The following CLEC11A variants were observed in gnomAD, a reference collection of about 807,000 sequenced individuals.
The protein encoded by CLEC11A is C-type lectin domain containing 11A.
Under a neutral mutation model 33.9 loss-of-function variants are expected in CLEC11A, and 35 were observed. That is an observed-to-expected ratio of 1.03 (90% confidence interval 0.79 to 1.37). The LOEUF is 1.37. Among genes scored for constraint, CLEC11A ranks in the 40% most tolerant of loss-of-function variants. The probability of loss-of-function intolerance (pLI) is 0.00; values close to 1 mark genes in which losing one functional copy is unlikely to be tolerated. For missense variants in CLEC11A, 519 were observed against 455.5 expected (o/e 1.14, Z -1.27); for synonymous variants, 220 against 202.2 (o/e 1.09, Z -0.75).
In CLEC11A at chr19:50,724,532, A is replaced by C. The variant is rs771589211; in HGVS notation, c.457A>C (p.Thr153Pro). 26 of 1,540,374 alleles carry C rather than the reference A, an allele frequency of 1.7e-5. No homozygotes were observed. The highest frequency in any genetic ancestry group is 3.8e-5 in the Admixed American group (2 of 52,574). Residue 153 changes from threonine (T) to proline (P), a missense_variant, in exon 3 of 4, where the codon ACC becomes CCC. Coordinates refer to ENST00000250340, the MANE Select transcript of CLEC11A (RefSeq NM_002975.3). The surrounding 1 kb of genome is among the most constrained non-coding windows in gnomAD (Gnocchi z 4.1). ...GCAGCTGCGGAACGCGGCAGGCGACACCCGCGATGCCGTGCAAGCCCTGCA... is the reference window on the plus strand; with the variant it reads ...GCAGCTGCGGAACGCGGCAGGCGACCCCCGCGATGCCGTGCAAGCCCTGCA... ...LRQLRNAAGD[T>P]RDAVQALQEA...
Position 50,725,346 on chromosome 19 carries a change from G to A in CLEC11A, c.851G>A (p.Ser284Asn). The change falls in exon 4 of 4, where the codon AGC becomes AAC. Residue 284 changes from serine to asparagine, a missense_variant. Physicochemically the swap from Ser to Asn is conservative, Grantham distance 46. Coordinates refer to ENST00000250340, the MANE Select transcript of CLEC11A (RefSeq NM_002975.3). Reference protein sequence around the residue: ...AQPSASPHPLSPDQPNGGTLE... With the variant: ...AQPSASPHPLNPDQPNGGTLE... ...CCCAGCGCCTCGCCGCATCCGCTCA[G>A]CCCGGACCAGCCCAACGGTGGCACG... 6.2e-7 allele frequency: 1 copy of A among 1,612,170 alleles called. No homozygotes were observed. Among genetic ancestry groups the A allele is most frequent in the African/African-American group, 1.3e-5 (1 of 75,040 alleles).
In CLEC11A at chr19:50,723,668, T is replaced by A. The variant is rs1277128925; in HGVS notation, c.143T>A (p.Leu48Gln). Residue 48 changes from leucine to glutamine, a missense_variant, in exon 1 of 4, where the codon CTG (leucine) becomes CAG (glutamine). Coordinates refer to ENST00000250340, the MANE Select transcript of CLEC11A (RefSeq NM_002975.3). The surrounding 1 kb of genome is among the most constrained non-coding windows in gnomAD (Gnocchi z 4.1). ...GAGCGGGAGAGGGAGGCCCTGATGCTGAAGGTGAGCTCTGGAGTGTCAGGG... is the reference window on the plus strand; with the variant it reads ...GAGCGGGAGAGGGAGGCCCTGATGCAGAAGGTGAGCTCTGGAGTGTCAGGG... ...EEEREREALMLKHLQEALGLP... is the reference protein window; with the variant it reads ...EEEREREALMQKHLQEALGLP... The A allele has an allele frequency of 6.3e-7, 1 of 1,582,620 alleles. No homozygotes were observed.
At position 50,725,165 on chromosome 19, in the gene CLEC11A, ACTCGGTACCTGCGCGCGGCGCTCG is replaced by A. The variant is rs758469284; in HGVS notation, c.674_697del (p.Arg225_Ala232del). 6.4e-7 allele frequency: 1 copy of A among 1,572,048 alleles called. No individual in the cohort carries two copies. The highest frequency in any genetic ancestry group is 8.6e-7 in the Non-Finnish European group (1 of 1,160,686). On this transcript the variant is annotated inframe_deletion, in exon 4 of 4. Coordinates refer to ENST00000250340, the MANE Select transcript of CLEC11A (RefSeq NM_002975.3). ...AGACCGCCAGCAGATGGAGGCGCTCACTCGGTACCTGCGCGCGGCGCTCGCTCCCTACAACTGGCCCGTGTGGCT... is the reference window on the plus strand; with the variant it reads ...AGACCGCCAGCAGATGGAGGCGCTCACTCCCTACAACTGGCCCGTGTGGCT...
Position 50,723,940 on chromosome 19 carries a change from G to C in CLEC11A, c.183G>C (p.Arg61Ser), listed in dbSNP as rs779785903. 9.9e-6 allele frequency: 16 copies of C among 1,613,364 alleles called. No individual in the cohort carries two copies. Among genetic ancestry groups the C allele is most frequent in the Middle Eastern group, 1.7e-4 (1 of 5,986 alleles). ...LQEALGLPAG[R>S]GDENPAGTVE... Reference sequence around the variant, plus strand: ...AAGCCCTAGGACTGCCTGCTGGGAGGGGGGATGAGAATCCTGCCGGAACTG... The same window carrying C: ...AAGCCCTAGGACTGCCTGCTGGGAGCGGGGATGAGAATCCTGCCGGAACTG... Residue 61 changes from arginine to serine, a missense_variant, in exon 2 of 4, where the codon AGG becomes AGC. By Grantham distance (110) the Arg-to-Ser change is moderately radical. Coordinates refer to ENST00000250340, the MANE Select transcript of CLEC11A (RefSeq NM_002975.3). The surrounding 1 kb of genome is among the most constrained non-coding windows in gnomAD (Gnocchi z 4.1).
In CLEC11A at chr19:50,724,050, C is replaced by G. The variant is rs2089163849; in HGVS notation, c.293C>G (p.Pro98Arg). Reference protein sequence around the residue: ...EEATPTPSSGPSPSPTPEDIV... With the variant: ...EEATPTPSSGRSPSPTPEDIV... The stretch of plus-strand genomic sequence containing the variant: ...GCAACGCCAACCCCATCCTCCGGCC[C>G]CAGCCCCTCTCCCACCCCTGAGGAC... Residue 98 changes from proline (P) to arginine (R), a missense_variant, in exon 2 of 4, where the codon CCC (proline) becomes CGC (arginine). Coordinates refer to ENST00000250340, the MANE Select transcript of CLEC11A (RefSeq NM_002975.3). This position sits in a 1 kb window ranked among gnomAD's most constrained non-coding sequence, Gnocchi z 4.1. 1 of 1,613,090 alleles carries G rather than the reference C, an allele frequency of 6.2e-7. No individual in the cohort carries two copies. The highest frequency in any genetic ancestry group is 1.7e-5 in the Admixed American group (1 of 59,968).
In CLEC11A at chr19:50,723,915, A is replaced by G; in HGVS notation, c.158A>G (p.Glu53Gly). ...CCTCCCCTGCCCCAGCATCTGCAGG[A>G]AGCCCTAGGACTGCCTGCTGGGAGG... is the stretch of plus-strand genomic sequence containing the variant. ...REALMLKHLQEALGLPAGRGD... is the reference protein window; with the variant it reads ...REALMLKHLQGALGLPAGRGD... Residue 53 changes from glutamate (E) to glycine (G), a missense_variant, in exon 2 of 4, where the codon GAA becomes GGA. By Grantham distance (98) the Glu-to-Gly change is moderately conservative. Transcript: ENST00000250340. The surrounding 1 kb of genome is among the most constrained non-coding windows in gnomAD (Gnocchi z 4.1). 6 of 1,607,316 alleles carry G rather than the reference A, an allele frequency of 3.7e-6. No homozygotes were observed. Among genetic ancestry groups the G allele is most frequent in the Non-Finnish European group, 5.1e-6 (6 of 1,176,762 alleles).
At position 50,725,144 on chromosome 19, in the gene CLEC11A, C is replaced by G. The variant is rs746583975; in HGVS notation, c.649C>G (p.Arg217Gly). Residue 217 changes from arginine to glycine, a missense_variant, in exon 4 of 4, where the codon CGC becomes GGC. Arg to Gly is a moderately radical substitution (Grantham distance 125, BLOSUM62 -2). Coordinates refer to ENST00000250340, the MANE Select transcript of CLEC11A (RefSeq NM_002975.3). Reference protein sequence around the residue: ...RGGSLAQPADRQQMEALTRYL... With the variant: ...RGGSLAQPADGQQMEALTRYL... ...CGGGAGCCTGGCGCAGCCGGCAGAC[C>G]GCCAGCAGATGGAGGCGCTCACTCG... 3 of 1,555,162 alleles carry G rather than the reference C, an allele frequency of 1.9e-6. No individual in the cohort carries two copies. Among genetic ancestry groups the G allele is most frequent in the African/African-American group, 2.7e-5 (2 of 73,068 alleles).
chr19:50,723,521 G>A lies in CLEC11A; in HGVS notation c.-5G>A, dbSNP rs2089158084. On this transcript the variant is annotated 5_prime_UTR_variant, in exon 1 of 4. Coordinates refer to ENST00000250340, the MANE Select transcript of CLEC11A (RefSeq NM_002975.3). This position sits in a 1 kb window ranked among gnomAD's most constrained non-coding sequence, Gnocchi z 4.1. ...TGGAACTTTGGGTGCCAAGAGTCCA[G>A]CTTAATGCAGGCAGCCTGGCTTTTG... is the stretch of plus-strand genomic sequence containing the variant. The A allele has an allele frequency of 6.2e-7, 1 of 1,612,204 alleles. No individual in the cohort carries two copies.
In CLEC11A at chr19:50,724,295, G is replaced by GCCCCCCCCCCCCCCCCCCC; in HGVS notation, c.335-107_335-106insCCCCCCCCCCCCCCCCCCC. 8.8e-7 allele frequency: 1 copy of GCCCCCCCCCCCCCCCCCCC among 1,130,926 alleles called. No homozygotes were observed. The highest frequency in any genetic ancestry group is 1.2e-6 in the Non-Finnish European group (1 of 830,044). 70.1% of individuals were successfully genotyped at this position (1,130,926 alleles called of 1,614,324 possible). A position where few individuals can be genotyped will look rare whatever the true frequency, so the allele number is the denominator to read the frequency against. On this transcript the variant is annotated intron_variant, in intron 2 of 3. Coordinates refer to ENST00000250340, the MANE Select transcript of CLEC11A (RefSeq NM_002975.3). This position sits in a 1 kb window ranked among gnomAD's most constrained non-coding sequence, Gnocchi z 4.1. ...ACCCTACCTTCCAGGAGTCCGGGGT[G>GCCCCCCCCCCCCCCCCCCC]CCCCCCCCACCGCCACCCCGCCCTC...
rs1203190528 is a variant in CLEC11A, at chr19:50,724,141, CT to C, written c.334+53del. 3 of 1,600,960 alleles carry C rather than the reference CT, an allele frequency of 1.9e-6. No homozygotes were observed. Among genetic ancestry groups the C allele is most frequent in the Middle Eastern group, 1.7e-4 (1 of 5,990 alleles). ...CCAAACTCCTAGGCCGCCGCGGTCA[CT>C]TTCGCAAAAATGAAGGGTCGGTTCA... On this transcript the variant is annotated intron_variant, in intron 2 of 3. Coordinates refer to ENST00000250340, the MANE Select transcript of CLEC11A (RefSeq NM_002975.3). The surrounding 1 kb of genome is among the most constrained non-coding windows in gnomAD (Gnocchi z 4.1).
In CLEC11A at chr19:50,725,626, G is replaced by A. The variant is rs2089181731; in HGVS notation, c.*159G>A. On this transcript the variant is annotated 3_prime_UTR_variant, in exon 4 of 4. Transcript: ENST00000250340. Reference sequence around the variant, plus strand: ...CTTCTGGGAGGGCTCTTGCGGTGCCGGCACTCCTCCTTGTTAGTGTCTTTC... The same window carrying A: ...CTTCTGGGAGGGCTCTTGCGGTGCCAGCACTCCTCCTTGTTAGTGTCTTTC... 5 of 1,290,014 alleles carry A rather than the reference G, an allele frequency of 3.9e-6. No homozygotes were observed. The highest frequency in any genetic ancestry group is 5.2e-6 in the Non-Finnish European group (5 of 963,526). 79.9% of individuals were successfully genotyped at this position (1,290,014 alleles called of 1,614,324 possible). A position where few individuals can be genotyped will look rare whatever the true frequency, so the allele number is the denominator to read the frequency against.
Position 50,724,704 on chromosome 19 carries a change from G to A in CLEC11A, c.526+103G>A, listed in dbSNP as rs975684849. ...AGGTGTCCGGGGCGGGAGAGTTCGG[G>A]AGAGCTGCTGTGTGCTAGCGGACGG... On this transcript the variant is annotated intron_variant, in intron 3 of 3. Transcript: ENST00000250340. The surrounding 1 kb of genome is among the most constrained non-coding windows in gnomAD (Gnocchi z 4.1). 1.1e-5 allele frequency: 14 copies of A among 1,246,372 alleles called. No homozygotes were observed. In the African/African-American group the frequency reaches 1.8e-4, roughly 16 times the overall value. 77.2% of individuals were successfully genotyped at this position (1,246,372 alleles called of 1,614,324 possible).
In CLEC11A at chr19:50,723,626, G is replaced by A. The variant is rs1682430830; in HGVS notation, c.101G>A (p.Gly34Glu). ...GAGAGGGAGTGGGAGGGAGGCTGGGGAGGTGCCCAGGAGGAGGAGCGGGAG... is the reference window on the plus strand; with the variant it reads ...GAGAGGGAGTGGGAGGGAGGCTGGGAAGGTGCCCAGGAGGAGGAGCGGGAG... ...GAEREWEGGW[G>E]GAQEEERERE... is the part of the protein sequence containing the mutation. The change falls in exon 1 of 4, where the codon GGA becomes GAA. Residue 34 changes from glycine to glutamate, a missense_variant. By Grantham distance (98) the Gly-to-Glu change is moderately conservative. Coordinates refer to ENST00000250340, the MANE Select transcript of CLEC11A (RefSeq NM_002975.3). The surrounding 1 kb of genome is among the most constrained non-coding windows in gnomAD (Gnocchi z 4.1). 1 of 1,607,212 alleles carries A rather than the reference G, an allele frequency of 6.2e-7. No homozygotes were observed. Among genetic ancestry groups the A allele is most frequent in the Non-Finnish European group, 8.5e-7 (1 of 1,177,604 alleles).
At position 50,723,583 on chromosome 19, in the gene CLEC11A, C is replaced by T. The variant is rs1195027308; in HGVS notation, c.58C>T (p.His20Tyr). The T allele has an allele frequency of 1.2e-6, 2 of 1,612,210 alleles. No individual in the cohort carries two copies. The highest frequency in any genetic ancestry group is 2.2e-5 in the East Asian group (1 of 44,872). The change falls in exon 1 of 4, where the codon CAT (histidine) becomes TAT (tyrosine). Residue 20 changes from histidine (H) to tyrosine (Y), a missense_variant. By Grantham distance (83) the His-to-Tyr change is moderately conservative. Transcript: ENST00000250340. This position sits in a 1 kb window ranked among gnomAD's most constrained non-coding sequence, Gnocchi z 4.1. ...LVVPQLLGFGHGARGAEREWE... is the reference protein window; with the variant it reads ...LVVPQLLGFGYGARGAEREWE... ...GGTCCCCCAGCTCTTGGGCTTTGGCCATGGGGCTCGGGGAGCAGAGAGGGA... is the reference window on the plus strand; with the variant it reads ...GGTCCCCCAGCTCTTGGGCTTTGGCTATGGGGCTCGGGGAGCAGAGAGGGA...
rs775686052 is a variant in CLEC11A, at chr19:50,723,969, A to C, written c.212A>C (p.Glu71Ala). Reference protein sequence around the residue: ...RGDENPAGTVEGKEDWEMEED... With the variant: ...RGDENPAGTVAGKEDWEMEED... ...GATGAGAATCCTGCCGGAACTGTTG[A>C]GGGAAAAGAGGACTGGGAGATGGAG... Residue 71 changes from glutamate to alanine, a missense_variant, in exon 2 of 4, where the codon GAG becomes GCG. Glu to Ala is a moderately radical substitution (Grantham distance 107). Coordinates refer to ENST00000250340, the MANE Select transcript of CLEC11A (RefSeq NM_002975.3). This position sits in a 1 kb window ranked among gnomAD's most constrained non-coding sequence, Gnocchi z 4.1. 1.7e-5 allele frequency: 27 copies of C among 1,613,602 alleles called. 1 individual carries two copies. The South Asian group carries it at 2.9e-4, about 17-fold the overall frequency.
In CLEC11A at chr19:50,724,116, C is replaced by G. The variant is rs754158536; in HGVS notation, c.334+25C>G. The G allele has an allele frequency of 1.2e-6, 2 of 1,609,050 alleles. No homozygotes were observed. The highest frequency in any genetic ancestry group is 2.2e-5 in the East Asian group (1 of 44,854). On this transcript the variant is annotated intron_variant, in intron 2 of 3. Transcript: ENST00000250340. This position sits in a 1 kb window ranked among gnomAD's most constrained non-coding sequence, Gnocchi z 4.1. ...CGTGAGTAACCAGAAGCCCTCACCC[C>G]CAAACTCCTAGGCCGCCGCGGTCAC...
rs73582909 is a variant in CLEC11A, at chr19:50,724,728, G to A, written c.526+127G>A. 16 of 1,200,524 alleles carry A rather than the reference G, an allele frequency of 1.3e-5. No individual in the cohort carries two copies. The highest frequency in any genetic ancestry group is 1.8e-5 in the Non-Finnish European group (16 of 912,430). The allele number at this position is 1,200,524 out of a possible 1,614,324, so 74.4% of individuals were successfully genotyped here. A position where few individuals can be genotyped will look rare whatever the true frequency, so the allele number is the denominator to read the frequency against. ...GGAGAGCTGCTGTGTGCTAGCGGAC[G>A]GGGTTAGAGAGCTGGGAGGCTGAAT... On this transcript the variant is annotated intron_variant, in intron 3 of 3. Transcript: ENST00000250340. The surrounding 1 kb of genome is among the most constrained non-coding windows in gnomAD (Gnocchi z 4.1).
rs1360829116 is a variant in CLEC11A, at chr19:50,725,209, G to A, written c.714G>A (p.Val238=). Residue 238 remains valine, a synonymous_variant, in exon 4 of 4, where the codon GTG becomes GTA. Coordinates refer to ENST00000250340, the MANE Select transcript of CLEC11A (RefSeq NM_002975.3). ...CGCTCGCTCCCTACAACTGGCCCGTGTGGCTGGGCGTGCACGATCGGCGCG... is the reference window on the plus strand; with the variant it reads ...CGCTCGCTCCCTACAACTGGCCCGTATGGCTGGGCGTGCACGATCGGCGCG... ...RAALAPYNWP[V]WLGVHDRRAE... is the part of the protein sequence containing the mutation. 6.3e-7 allele frequency: 1 copy of A among 1,593,538 alleles called. No homozygotes were observed. Among genetic ancestry groups the A allele is most frequent in the Non-Finnish European group, 8.5e-7 (1 of 1,171,374 alleles).
At position 50,723,840 on chromosome 19, in the gene CLEC11A, T is replaced by C; in HGVS notation, c.148-65T>C. On this transcript the variant is annotated intron_variant, in intron 1 of 3. Coordinates refer to ENST00000250340, the MANE Select transcript of CLEC11A (RefSeq NM_002975.3). This position sits in a 1 kb window ranked among gnomAD's most constrained non-coding sequence, Gnocchi z 4.1. ...CAGGCAGCAGAGAATGAGTTATGAGTTGGAAAGGGGTGAATGGGGCATCTT... is the reference window on the plus strand; with the variant it reads ...CAGGCAGCAGAGAATGAGTTATGAGCTGGAAAGGGGTGAATGGGGCATCTT... The C allele has an allele frequency of 1.3e-6, 2 of 1,558,240 alleles. No homozygotes were observed. Among genetic ancestry groups the C allele is most frequent in the Non-Finnish European group, 1.7e-6 (2 of 1,154,190 alleles).
Sources: gnomAD v4.1 joint callset for allele counts on GRCh38, gnomAD v4.1.1 for gene constraint, Gnocchi (gnomAD v3.1) non-coding constraint, MANE v1.5 for transcripts, NCBI Gene and HGNC (gene_info 2026-07-23, HGNC 2026-07-21) for gene names.